Variants in GON4L observed in about 807,000 individuals in gnomAD.
GON4L encodes gon-4 like, also known as GON-4-like protein.
A neutral mutation model predicts 211.8 loss-of-function variants in GON4L; 87 were observed. The ratio of observed to expected loss-of-function variants is 0.41; its 90% CI spans 0.35 to 0.49. The LOEUF (loss-of-function observed/expected upper bound fraction) is 0.49, where lower values mean the gene tolerates loss of function less well. Among genes scored for constraint, GON4L ranks in the 20% least tolerant of loss-of-function variants. The pLI is 0.15. For missense variants in GON4L, 2,155 were observed against 2,659.5 expected (o/e 0.81, Z 4.17); for synonymous variants, 875 against 962.6 (o/e 0.91, Z 1.68).
Position 155,853,824 on chromosome 1 carries a change from TC to T in GON4L, c.-26-19del, listed in dbSNP as rs1672030731. The stretch of plus-strand genomic sequence containing the variant: ...GTTCCATTCTGAAAGAATAAAAAGT[TC>T]TTACTGCCTTCATATTAATTAAAAG... On this transcript the variant is annotated intron_variant, in intron 1 of 31. Transcript: ENST00000368331. The T allele has an allele frequency of 2.1e-6, 3 of 1,458,232 alleles. No individual in the cohort carries two copies. Among genetic ancestry groups the T allele is most frequent in the Non-Finnish European group, 2.9e-6 (3 of 1,040,974 alleles). 90.3% of individuals were successfully genotyped at this position (1,458,232 alleles called of 1,614,324 possible). A position where few individuals can be genotyped will look rare whatever the true frequency, so the allele number is the denominator to read the frequency against.
chr1:155,809,202 C>T (rs1300409400), intron 10 of GON4L, among the ~76,000 whole-genome samples: 1 of 152,098 alleles, frequency 6.6e-6, no homozygotes, highest in Non-Finnish European at 1.5e-5. Context: ...CCAAGGAGGT[C>T]TTTTTTGATC....
In GON4L at chr1:155,752,534, G is replaced by T; in HGVS notation, c.5899C>A (p.Arg1967=). 2 of 1,603,010 alleles carry T rather than the reference G, an allele frequency of 1.2e-6. No homozygotes were observed. Among genetic ancestry groups the T allele is most frequent in the Non-Finnish European group, 1.7e-6 (2 of 1,174,658 alleles). ...GGTGGTGGGCCATCCAGGAGGAGCC[G>T]TTCTGTAACAGTCACTTCTCGAGGG... ...PSPREVTVTE[R]LLLDGPPPHS... is the part of the protein sequence containing the mutation. Residue 1967 remains arginine (R), a synonymous_variant, in exon 30 of 32, where the codon CGG becomes AGG. Coordinates refer to ENST00000368331, the MANE Select transcript of GON4L (RefSeq NM_001282860.2).
chr1:155,794,823 G>C (rs1217653031), intron 12 of GON4L, among the ~76,000 whole-genome samples: 1 of 152,094 alleles, frequency 6.6e-6, no homozygotes, highest in African/African-American at 2.4e-5. Context: ...CACAATCCCT[G>C]CCAAACAGTA....
intron 27 of GON4L, 34 bp downstream of exon 27, chr1:155,756,922 CTG>C: frequency 2.0e-6 from 3 of 1,537,146 alleles, no homozygotes; most frequent in Non-Finnish European, 2.7e-6. Context: ...GAGCGAGATT[CTG>C]TCTCAAAAAC....
At chr1:155,838,167 G>A (rs1670477342) in intron 2 of GON4L, among the ~76,000 whole-genome samples, 2 of 152,030 alleles carry the variant, frequency 1.3e-5, no homozygotes, top group African/African-American at 4.8e-5. Context: ...AGGCTGAGGT[G>A]GAAGATCACT....
At chr1:155,769,641 CA>C (rs1662964708) in intron 19 of GON4L, among the ~76,000 whole-genome samples, 4 of 152,114 alleles carry the variant, frequency 2.6e-5, no homozygotes, top group Admixed American at 2.6e-4. Context: ...AGTCCAGCCC[CA>C]TCCCCCTAAA....
chr1:155,797,745 TG>T (rs1214600211), intron 11 of GON4L, among the ~76,000 whole-genome samples: 3 of 150,218 alleles, frequency 2.0e-5, no homozygotes, highest in African/African-American at 7.4e-5. Flanking sequence ...TCCAGCTACT[TG>T]GGAGGCTGAG....
intron 21 of GON4L, chr1:155,764,535 G>A: frequency 3.1e-6 from 1 of 322,838 alleles, no homozygotes. Flanking sequence ...TGTCTCTCGG[G>A]CTCAAGCAAT....
intron 10 of GON4L, among the ~76,000 whole-genome samples, chr1:155,809,721 A>G (rs2102136080): frequency 2.7e-5 from 2 of 75,144 alleles, no homozygotes; most frequent in Non-Finnish European, 4.8e-5. Context: ...ATACTTATAT[A>G]TACTTATAAA....
chr1:155,752,302 G>A lies in GON4L; in HGVS notation c.6131C>T (p.Thr2044Ile). The A allele has an allele frequency of 6.3e-7, 1 of 1,586,078 alleles. No individual in the cohort carries two copies. The highest frequency in any genetic ancestry group is 8.7e-7 in the Non-Finnish European group (1 of 1,155,326). Residue 2044 changes from threonine to isoleucine, a missense_variant, in exon 30 of 32, where the codon ACC becomes ATC. Thr to Ile is a moderately conservative substitution (Grantham distance 89). Coordinates refer to ENST00000368331, the MANE Select transcript of GON4L (RefSeq NM_001282860.2). ...CAGGAAGGAAGCAGGGGGTTCCACG[G>A]TACCAGGCAATTTCTCAGTTTCTGA... ...DASETEKLPG[T>I]VEPPASFLSP...
chr1:155,842,263 G>A (rs822500), intron 2 of GON4L, among the ~76,000 whole-genome samples: 131,180 of 151,984 alleles, frequency 0.86, 58,110 homozygotes, highest in East Asian at 1. Context: ...GGTGGCTCAC[G>A]CCTGTAATCC....
chr1:155,745,361 C>A (rs1394090951), downstream of GON4L, among the ~76,000 whole-genome samples: 3 of 152,214 alleles, frequency 2.0e-5, no homozygotes, highest in Admixed American at 2.0e-4. Context: ...TCTGAAGAGT[C>A]GTGATCCGTG....
chr1:155,828,909 T>C (rs1669479073), intron 2 of GON4L, among the ~76,000 whole-genome samples: 1 of 151,968 alleles, frequency 6.6e-6, no homozygotes, highest in African/African-American at 2.4e-5. Context: ...CAAAAAATTG[T>C]TTAACAGTTA....
At chr1:155,790,706 G>A (rs918092051) in intron 12 of GON4L, among the ~76,000 whole-genome samples, 5 of 152,046 alleles carry the variant, frequency 3.3e-5, no homozygotes, top group Non-Finnish European at 7.4e-5. Flanking sequence ...AGCACTTTGG[G>A]AGGCCGAGGT....
At chr1:155,836,706 C>G (rs962480488) in intron 2 of GON4L, among the ~76,000 whole-genome samples, 4 of 152,192 alleles carry the variant, frequency 2.6e-5, no homozygotes, top group Non-Finnish European at 4.4e-5. Context: ...CCTGGACATC[C>G]ACGTCCTTTG....
intron 2 of GON4L, among the ~76,000 whole-genome samples, chr1:155,839,688 A>G (rs1241954137): frequency 1.3e-5 from 2 of 152,056 alleles, no homozygotes; most frequent in Non-Finnish European, 2.9e-5. Flanking sequence ...GACAAGTCAG[A>G]AAGTTCATTC....
chr1:155,802,744 G>A lies in GON4L; in HGVS notation c.1645+2205C>T, dbSNP rs189744706. On this transcript the variant is annotated intron_variant, in intron 11 of 31. Transcript: ENST00000368331. ...GCAGAGGCAGGAGGATCGCTTGAGC[G>A]CAGGAGTTCGAGACCAGCCTGGGCA... Among the ~76,000 whole-genome samples, 85 of 152,238 alleles carry A rather than the reference G, an allele frequency of 5.6e-4. 1 individual carries two copies. Among genetic ancestry groups the A allele is most frequent in the Admixed American group, 4.6e-3 (71 of 15,274 alleles).
upstream of GON4L, among the ~76,000 whole-genome samples, chr1:155,857,707 C>T (rs1672404645): frequency 6.7e-6 from 1 of 148,994 alleles, no homozygotes; most frequent in Non-Finnish European, 1.5e-5. Flanking sequence ...CCAACCTGAG[C>T]GACAGTGAGA....
Position 155,845,859 on chromosome 1 carries a change from A to C in GON4L, c.505+7417T>G, listed in dbSNP as rs570438420. 18 of 243,978 alleles carry C rather than the reference A, an allele frequency of 7.4e-5. No homozygotes were observed. In the South Asian group the frequency reaches 1.1e-3, roughly 15 times the overall value. 15.1% of individuals were successfully genotyped at this position (243,978 alleles called of 1,614,324 possible). On this transcript the variant is annotated intron_variant, in intron 2 of 31. Coordinates refer to ENST00000368331, the MANE Select transcript of GON4L (RefSeq NM_001282860.2). The stretch of plus-strand genomic sequence containing the variant: ...CATGTGACCAGTGAAACTGCAGCAG[A>C]GGAAGCTAAGGAAATTGGAGTTAAA...
Sources: gnomAD v4.1 joint callset for allele counts (sites outside exome capture counted in the v4.1 genomes callset) on GRCh38, gnomAD v4.1.1 for gene constraint, MANE v1.5 for transcripts, NCBI Gene and HGNC (gene_info 2026-07-23, HGNC 2026-07-21) for gene names.